The following SUPT20H variants were observed in gnomAD, a reference collection of about 807,000 sequenced individuals.
The protein encoded by SUPT20H is transcription factor SPT20 homolog.
Under a neutral mutation model 122.8 loss-of-function variants are expected in SUPT20H, and 82 were observed. The observed-to-expected ratio is 0.67, with a 90% CI of 0.56 to 0.80. The LOEUF is 0.80. Ranked by LOEUF, SUPT20H falls within the 30% of genes least tolerant of loss-of-function variation. SUPT20H has a pLI of 0.00. For missense variants in SUPT20H, 831 were observed against 921.6 expected (o/e 0.90, Z 1.27); for synonymous variants, 291 against 313.0 (o/e 0.93, Z 0.74).
intron 22 of SUPT20H, among the ~76,000 whole-genome samples, chr13:37,018,471 T>C (rs988015580): frequency 5.9e-5 from 9 of 152,214 alleles, no homozygotes; most frequent in Non-Finnish European, 1.2e-4. Flanking sequence ...ATTTCCCGAT[T>C]TGTTAATCCT....
At chr13:37,027,834 A>G (rs1285465710) in intron 14 of SUPT20H, among the ~76,000 whole-genome samples, 1 of 152,158 alleles carries the variant, frequency 6.6e-6, no homozygotes, top group Non-Finnish European at 1.5e-5. Context: ...ACTATTGCCC[A>G]AACACTTCAT....
chr13:37,045,024 C>T (rs1330530783), intron 6 of SUPT20H, among the ~76,000 whole-genome samples: 1 of 151,720 alleles, frequency 6.6e-6, no homozygotes, highest in Non-Finnish European at 1.5e-5. Context: ...TAGAATACTT[C>T]TAAAATGCAC....
chr13:37,010,698 G>C, intron 24 of SUPT20H, 43 bp from the exon 25 acceptor site: 1 of 1,499,618 alleles, frequency 6.7e-7, no homozygotes, highest in Non-Finnish European at 9.3e-7. Flanking sequence ...CAAAAAGTTT[G>C]AAGGCTACCA....
At position 37,031,847 on chromosome 13, in the gene SUPT20H, T is replaced by G. The variant is rs202115692; in HGVS notation, c.756A>C (p.Leu252=). 139 of 1,605,276 alleles carry G rather than the reference T, an allele frequency of 8.7e-5. No homozygotes were observed. The highest frequency in any genetic ancestry group is 1.2e-4 in the Non-Finnish European group (139 of 1,177,554). ...SRSSLNRQQD[L]SHCPPPPQLR... ...GCTGAGGAGGAGGTGGACAATGAGA[T>G]AGATCTTGCTGCCGATTCAGAGAGG... Residue 252 remains leucine (L), a synonymous_variant, in exon 11 of 26, where the codon CTA becomes CTC. Coordinates refer to ENST00000350612, the MANE Select transcript of SUPT20H (RefSeq NM_001014286.3).
chr13:37,013,326 T>C (rs1472782599), intron 23 of SUPT20H: 1 of 152,078 alleles, frequency 6.6e-6, no homozygotes, highest in Non-Finnish European at 1.5e-5. Context: ...TTAACAAATG[T>C]GCAGAAGTAA....
At chr13:37,047,993 T>G in intron 3 of SUPT20H, 57 bp from the exon 4 acceptor site, 1 of 1,346,870 alleles carries the variant, frequency 7.4e-7, no homozygotes, top group Non-Finnish European at 1.0e-6. Flanking sequence ...TATGAACAAC[T>G]GTATTGAGTA....
intron 6 of SUPT20H, 120 bp from the exon 7 acceptor site, chr13:37,044,301 G>T: frequency 1.6e-6 from 1 of 641,084 alleles, no homozygotes; most frequent in Non-Finnish European, 2.4e-6. Flanking sequence ...AACCAAGCAA[G>T]GATCAAAAAA....
intron 21 of SUPT20H, 141 bp downstream of exon 21, chr13:37,021,307 G>A (rs1170175479): frequency 3.2e-6 from 3 of 927,086 alleles, no homozygotes; most frequent in Non-Finnish European, 4.3e-6. Flanking sequence ...ACTTTTAAAG[G>A]CTTTTTAAGT....
chr13:37,012,755 G>C (rs2059816621), intron 23 of SUPT20H: 1 of 152,298 alleles, frequency 6.6e-6, no homozygotes, highest in Admixed American at 6.5e-5. Context: ...CTCCAAAACA[G>C]CTCCTAGAAG....
chr13:37,044,871 T>C (rs1412829042), intron 6 of SUPT20H, among the ~76,000 whole-genome samples: 2 of 152,176 alleles, frequency 1.3e-5, no homozygotes, highest in African/African-American at 2.4e-5. Flanking sequence ...CGGTATGCTA[T>C]CTTAAAATAT....
Position 37,022,418 on chromosome 13 carries a change from A to T in SUPT20H, c.1592-338T>A. 7.9e-7 allele frequency: 1 copy of T among 1,262,004 alleles called. No homozygotes were observed. The highest frequency in any genetic ancestry group is 3.0e-5 in the South Asian group (1 of 33,086). 78.2% of individuals were successfully genotyped at this position (1,262,004 alleles called of 1,614,324 possible). Reference sequence around the variant, plus strand: ...TTACTTAGCACTGACAATTTGTTCTAGTTTTTTTTTTTTTAGCAGTTAACT... The same window carrying T: ...TTACTTAGCACTGACAATTTGTTCTTGTTTTTTTTTTTTTAGCAGTTAACT... On this transcript the variant is annotated intron_variant, in intron 19 of 25. Transcript: ENST00000350612. The surrounding 1 kb of genome is among the most constrained non-coding windows in gnomAD (Gnocchi z 4.5).
rs764165058 is a variant in SUPT20H at position 37,009,647 on chromosome 13, A to C, written c.*25T>G. 1.4e-5 allele frequency: 22 copies of C among 1,612,554 alleles called. No homozygotes were observed. Among genetic ancestry groups the C allele is most frequent in the Non-Finnish European group, 1.8e-5 (21 of 1,179,564 alleles). On this transcript the variant is annotated 3_prime_UTR_variant, in exon 26 of 26. Coordinates refer to ENST00000350612, the MANE Select transcript of SUPT20H (RefSeq NM_001014286.3). ...GATTCAGTGCTCTTGTGTTTTTAAA[A>C]AAGGAACAAAAAGTAATGCAAGACT... is the stretch of plus-strand genomic sequence containing the variant.
intron 25 of SUPT20H, among the ~76,000 whole-genome samples, chr13:37,010,013 G>A (rs1399730878): frequency 6.6e-6 from 1 of 152,024 alleles, no homozygotes; most frequent in Non-Finnish European, 1.5e-5. Context: ...AATGATTCTT[G>A]GCAAACTTCA....
intron 23 of SUPT20H, among the ~76,000 whole-genome samples, 192 bp downstream of exon 23, chr13:37,017,053 G>A (rs1047861873): frequency 2.0e-5 from 3 of 152,138 alleles, no homozygotes; most frequent in African/African-American, 4.8e-5. Context: ...CAAGATGCAG[G>A]TGATACCATC....
intron 9 of SUPT20H, among the ~76,000 whole-genome samples, chr13:37,035,302 G>T (rs1342383009): frequency 6.6e-6 from 1 of 152,170 alleles, no homozygotes; most frequent in African/African-American, 2.4e-5. Flanking sequence ...ATGGGAGGAG[G>T]TCAAAATAGA....
rs188967418 is a variant in SUPT20H at position 37,031,604 on chromosome 13, C to T, written c.884G>A (p.Arg295Gln). ...KAGNCVDMWKRSPCNLAIPSE... is the reference protein window; with the variant it reads ...KAGNCVDMWKQSPCNLAIPSE... ...AGGTATGGCCAAATTACAGGGACTC[C>T]GTTTCCACATATCTACACACTGAAA... The change falls in exon 12 of 26, where the codon CGG becomes CAG. Residue 295 changes from arginine (R) to glutamine (Q), a missense_variant. By Grantham distance (43) the Arg-to-Gln change is conservative (BLOSUM62 1). Coordinates refer to ENST00000350612, the MANE Select transcript of SUPT20H (RefSeq NM_001014286.3). The T allele has an allele frequency of 1.2e-5, 19 of 1,564,824 alleles. No individual in the cohort carries two copies. Among genetic ancestry groups the T allele is most frequent in the South Asian group, 3.7e-5 (3 of 80,622 alleles).
At chr13:37,048,470 C>G in intron 3 of SUPT20H, 94 bp downstream of exon 3, 1 of 1,134,542 alleles carries the variant, frequency 8.8e-7, no homozygotes, top group Non-Finnish European at 1.2e-6. Flanking sequence ...TAGTAATGTG[C>G]TCCTTTAAAA....
Position 37,026,781 on chromosome 13 carries a change from T to C in SUPT20H, c.1178+9A>G, listed in dbSNP as rs2062362225. The C allele has an allele frequency of 2.9e-6, 4 of 1,399,084 alleles. No individual in the cohort carries two copies. Among genetic ancestry groups the C allele is most frequent in the Middle Eastern group, 4.4e-4 (2 of 4,592 alleles). The allele number at this position is 1,399,084 out of a possible 1,614,324, so 86.7% of individuals were successfully genotyped here. Reference sequence around the variant, plus strand: ...CTTAACAGATTAAAATAGTTTATTTTTTAATTACCAATTTGAATGATCATC... The same window carrying C: ...CTTAACAGATTAAAATAGTTTATTTCTTAATTACCAATTTGAATGATCATC... On this transcript the variant is annotated intron_variant, in intron 15 of 25. Transcript: ENST00000350612.
At chr13:37,030,092 T>A (rs1378558807) in intron 12 of SUPT20H, among the ~76,000 whole-genome samples, 1 of 152,220 alleles carries the variant, frequency 6.6e-6, no homozygotes, top group East Asian at 1.9e-4. Context: ...TTCTAGACAG[T>A]GCCTCTTCAT....
Sources: gnomAD v4.1 joint callset for allele counts (sites outside exome capture counted in the v4.1 genomes callset) on GRCh38, gnomAD v4.1.1 for gene constraint, Gnocchi (gnomAD v3.1) non-coding constraint, MANE v1.5 for transcripts, NCBI Gene and HGNC (gene_info 2026-07-23, HGNC 2026-07-21) for gene names.